Variants in ARHGAP19 observed in about 807,000 individuals in gnomAD.
ARHGAP19 encodes rho GTPase-activating protein 19.
A neutral mutation model predicts 60.9 loss-of-function variants in ARHGAP19; 48 were observed. The ratio of observed to expected loss-of-function variants is 0.79; its 90% CI spans 0.62 to 1.00. ARHGAP19 has a LOEUF of 1.00. Among genes scored for constraint, ARHGAP19 ranks in the 50% least tolerant of loss-of-function variants. The probability of loss-of-function intolerance (pLI) is 0.00; values close to 1 mark genes in which losing one functional copy is unlikely to be tolerated. For synonymous variants in ARHGAP19, 209 were observed against 215.5 expected, an observed-to-expected ratio of 0.97 and a Z score of 0.27; for missense variants, 562 against 597.2, an observed-to-expected ratio of 0.94 and a Z score of 0.61.
intron 1 of ARHGAP19, among the ~76,000 whole-genome samples, chr10:97,278,526 T>C (rs974174108): frequency 1.3e-4 from 20 of 152,156 alleles, no homozygotes; most frequent in African/African-American, 4.6e-4. Context: ...TGAACAGAAT[T>C]GAGAAGAGTG....
At position 97,287,790 on chromosome 10, in the gene ARHGAP19, C is replaced by T. The variant is rs548623880; in HGVS notation, c.56+4782G>A. Reference sequence around the variant, plus strand: ...TTAAAATAAATATTTTGGCTGGGTGCGGTGGCTCACGCCTGTAATCCCAGC... The same window carrying T: ...TTAAAATAAATATTTTGGCTGGGTGTGGTGGCTCACGCCTGTAATCCCAGC... On this transcript the variant is annotated intron_variant, in intron 1 of 11. Transcript: ENST00000358531. Among the ~76,000 whole-genome samples, 5 of 152,246 alleles carry T rather than the reference C, an allele frequency of 3.3e-5. No individual in the cohort carries two copies. The South Asian group carries it at 8.3e-4, about 25-fold the overall frequency.
chr10:97,286,579 G>A (rs573466438), intron 1 of ARHGAP19, among the ~76,000 whole-genome samples: 2 of 152,330 alleles, frequency 1.3e-5, no homozygotes, highest in East Asian at 3.9e-4. Flanking sequence ...GCCACAGAGC[G>A]AGACTCCGTG....
At position 97,225,397 on chromosome 10, in the gene ARHGAP19, G is replaced by C. The variant is rs561989553; in HGVS notation, c.*725C>G. 1 of 152,156 alleles carries C rather than the reference G, an allele frequency of 6.6e-6. No homozygotes were observed. Among genetic ancestry groups the C allele is most frequent in the Non-Finnish European group, 1.5e-5 (1 of 68,020 alleles). The allele number at this position is 152,156 out of a possible 1,614,324, so 9.4% of individuals were successfully genotyped here. On this transcript the variant is annotated 3_prime_UTR_variant, in exon 12 of 12. Transcript: ENST00000358531. ...GAGGGAGAAATGGAAGGAAGGAAAA[G>C]AGTTTAATAATTAAGATTTGTTAAA... is the stretch of plus-strand genomic sequence containing the variant.
At chr10:97,243,301 G>A (rs2134837833) in intron 8 of ARHGAP19, among the ~76,000 whole-genome samples, 1 of 152,288 alleles carries the variant, frequency 6.6e-6, no homozygotes, top group East Asian at 1.9e-4. Flanking sequence ...GACCCTGCCT[G>A]CTCAGGTAAA....
At chr10:97,239,926 C>G (rs1424917502) in intron 8 of ARHGAP19, among the ~76,000 whole-genome samples, 1 of 151,836 alleles carries the variant, frequency 6.6e-6, no homozygotes, top group Non-Finnish European at 1.5e-5. Context: ...AGGCTCGTCT[C>G]GAACTCCCGA....
chr10:97,251,439 AGGAGACGG>A (rs1451681551), intron 6 of ARHGAP19, among the ~76,000 whole-genome samples: 1 of 34,128 alleles, frequency 2.9e-5, no homozygotes. Flanking sequence ...GGGGAAGGGG[AGGAGACGG>A]GGAAGGGGAA....
intron 1 of ARHGAP19, among the ~76,000 whole-genome samples, chr10:97,270,315 T>C (rs1452476825): frequency 1.3e-5 from 2 of 152,126 alleles, no homozygotes; most frequent in African/African-American, 2.4e-5. Context: ...ATCTAAGAGA[T>C]GGAAATAGTT....
intron 1 of ARHGAP19, among the ~76,000 whole-genome samples, chr10:97,269,534 T>C (rs1190680779): frequency 6.6e-6 from 1 of 152,202 alleles, no homozygotes; most frequent in Non-Finnish European, 1.5e-5. Context: ...AGCAACTTCA[T>C]CTTAAATCAT....
At chr10:97,238,953 C>T (rs1051320684) in intron 8 of ARHGAP19, among the ~76,000 whole-genome samples, 1 of 152,064 alleles carries the variant, frequency 6.6e-6, no homozygotes, top group African/African-American at 2.4e-5. Context: ...TTTACTGTAC[C>T]TTTCCTTTGT....
Position 97,259,605 on chromosome 10 carries a change from C to CT in ARHGAP19, c.636dup (p.Gly213ArgfsTer14). 1 of 1,614,076 alleles carries CT rather than the reference C, an allele frequency of 6.2e-7. No homozygotes were observed. Among genetic ancestry groups the CT allele is most frequent in the Non-Finnish European group, 8.5e-7 (1 of 1,179,996 alleles). On this transcript the variant is annotated frameshift_variant, in exon 5 of 12. Transcript: ENST00000358531. LOFTEE classifies it high-confidence loss of function. Reference sequence around the variant, plus strand: ...TTGTCTGGTATATTGGTCTTGTTTCCTTTATCATCAAACTGCATCAAATCT... The same window carrying CT: ...TTGTCTGGTATATTGGTCTTGTTTCCTTTTATCATCAAACTGCATCAAATCT...
intron 6 of ARHGAP19, among the ~76,000 whole-genome samples, chr10:97,255,990 T>TTCTACTGGCAGACCCCCAAAAC (rs2134870403): frequency 6.6e-6 from 1 of 152,212 alleles, no homozygotes; most frequent in African/African-American, 2.4e-5. Flanking sequence ...ACCCCCAAAA[T>TTCTACTGGCAGACCCCCAAAAC]TCTACTGGCA....
At chr10:97,292,493 T>C in intron 1 of ARHGAP19, 79 bp downstream of exon 1, 1 of 1,550,700 alleles carries the variant, frequency 6.4e-7, no homozygotes. Flanking sequence ...ACCGTGCGCC[T>C]CCGTGACCCA....
chr10:97,226,033 G>C lies in ARHGAP19; in HGVS notation c.*89C>G. 7.0e-7 allele frequency: 1 copy of C among 1,430,200 alleles called. No homozygotes were observed. Among genetic ancestry groups the C allele is most frequent in the Non-Finnish European group, 9.7e-7 (1 of 1,027,886 alleles). 88.6% of individuals were successfully genotyped at this position (1,430,200 alleles called of 1,614,324 possible). ...CAATTCAAAATGCAGCAAGCAAGCT[G>C]CAAGTCCAAGCTTTGCTGTGGGCAG... On this transcript the variant is annotated 3_prime_UTR_variant, in exon 12 of 12. Transcript: ENST00000358531.
intron 1 of ARHGAP19, among the ~76,000 whole-genome samples, chr10:97,272,879 C>T (rs1199119070): frequency 9.7e-5 from 14 of 143,882 alleles, no homozygotes; most frequent in Non-Finnish European, 4.5e-5. Context: ...CTCGCTCTGT[C>T]GCCCAGGCTG....
intron 1 of ARHGAP19, among the ~76,000 whole-genome samples, chr10:97,271,521 CAG>C (rs1276562214): frequency 6.6e-6 from 1 of 151,990 alleles, no homozygotes; most frequent in Non-Finnish European, 1.5e-5. Flanking sequence ...ATGACATGAT[CAG>C]TAACGCAGAG....
At chr10:97,260,204 G>A (rs1842811373) in intron 4 of ARHGAP19, among the ~76,000 whole-genome samples, 1 of 151,346 alleles carries the variant, frequency 6.6e-6, no homozygotes, top group South Asian at 2.1e-4. Context: ...GGCCAAGAAG[G>A]CTTTGTATGC....
intron 9 of ARHGAP19, among the ~76,000 whole-genome samples, chr10:97,234,034 A>C (rs549172602): frequency 6.6e-6 from 1 of 152,074 alleles, no homozygotes; most frequent in South Asian, 2.1e-4. Flanking sequence ...TGGGAGGCTG[A>C]GGCGGGTGAA....
chr10:97,244,259 T>C, intron 7 of ARHGAP19, 100 bp from the exon 8 acceptor site: 1 of 895,716 alleles, frequency 1.1e-6, no homozygotes, highest in Non-Finnish European at 1.7e-6. Flanking sequence ...AGTGGGGACA[T>C]GGTATACTCC....
At chr10:97,282,844 T>TC (rs1843103559) in intron 1 of ARHGAP19, among the ~76,000 whole-genome samples, 2 of 143,874 alleles carry the variant, frequency 1.4e-5, no homozygotes, top group African/African-American at 5.1e-5. Flanking sequence ...TTTTTCTTTT[T>TC]TTTTTTTTTT....
Sources: gnomAD v4.1 joint callset for allele counts (sites outside exome capture counted in the v4.1 genomes callset) on GRCh38, gnomAD v4.1.1 for gene constraint, MANE v1.5 for transcripts, NCBI Gene and HGNC (gene_info 2026-07-23, HGNC 2026-07-21) for gene names.